The following ROBO1 variants were observed in gnomAD, a reference collection of about 807,000 sequenced individuals.
The protein encoded by ROBO1 is roundabout guidance receptor 1.
Under a neutral mutation model 195.9 loss-of-function variants are expected in ROBO1, and 149 were observed. The ratio of observed to expected loss-of-function variants is 0.76; its 90% CI spans 0.67 to 0.87. ROBO1 has a LOEUF of 0.87. Among genes scored for constraint, ROBO1 ranks in the 40% least tolerant of loss-of-function variants. ROBO1 has a pLI of 0.00. For missense variants in ROBO1, 1,933 were observed against 2,068.3 expected, an observed-to-expected ratio of 0.93 and a Z score of 1.27; for synonymous variants, 816 against 733.2, an observed-to-expected ratio of 1.11 and a Z score of -1.82.
intron 2 of ROBO1, among the ~76,000 whole-genome samples, chr3:79,434,105 T>C (rs2038791242): frequency 6.6e-6 from 1 of 152,076 alleles, no homozygotes; most frequent in East Asian, 1.9e-4. Context: ...CCTAAAACAA[T>C]AAAAACCCTA....
intron 1 of ROBO1, among the ~76,000 whole-genome samples, chr3:79,709,760 C>T (rs1195188875): frequency 5.3e-5 from 8 of 152,136 alleles, no homozygotes; most frequent in African/African-American, 1.7e-4. Flanking sequence ...CTATTAGGAG[C>T]CTTTGGTGGT....
intron 4 of ROBO1, among the ~76,000 whole-genome samples, chr3:78,754,535 G>A (rs991291888): frequency 6.6e-6 from 1 of 152,082 alleles, no homozygotes; most frequent in Non-Finnish European, 1.5e-5. Context: ...ATGAGAACAG[G>A]GAATTTGTGA....
intron 4 of ROBO1, among the ~76,000 whole-genome samples, chr3:78,888,811 C>T (rs1244409944): frequency 6.6e-6 from 1 of 152,062 alleles, no homozygotes; most frequent in African/African-American, 2.4e-5. Flanking sequence ...CTGTGTAAGT[C>T]TTATAAAAAT....
At chr3:79,455,524 G>A (rs1156876073) in intron 2 of ROBO1, among the ~76,000 whole-genome samples, 5 of 151,998 alleles carry the variant, frequency 3.3e-5, no homozygotes. Flanking sequence ...GTGTTTAAAG[G>A]AGACATTTAA....
At chr3:79,398,459 T>G (rs1356409125) in intron 2 of ROBO1, among the ~76,000 whole-genome samples, 2 of 152,168 alleles carry the variant, frequency 1.3e-5, no homozygotes, top group African/African-American at 4.8e-5. Flanking sequence ...GTGTGTAGTA[T>G]TATTGAGTCC....
At chr3:78,890,406 G>A (rs528058716) in intron 4 of ROBO1, among the ~76,000 whole-genome samples, 2 of 152,180 alleles carry the variant, frequency 1.3e-5, no homozygotes, top group East Asian at 1.9e-4. Flanking sequence ...ACCAAAGGAA[G>A]GTGAGGACAT....
At chr3:79,142,084 T>C (rs532991530) in intron 2 of ROBO1, among the ~76,000 whole-genome samples, 1 of 152,254 alleles carries the variant, frequency 6.6e-6, no homozygotes, top group South Asian at 2.1e-4. Flanking sequence ...TATTGTAAAT[T>C]AATGGAAATT....
chr3:79,251,745 G>A (rs965219608), intron 2 of ROBO1, among the ~76,000 whole-genome samples: 3 of 151,874 alleles, frequency 2.0e-5, no homozygotes, highest in Admixed American at 6.6e-5. Context: ...GCGATAATCT[G>A]CCTCAAACAA....
At chr3:79,184,795 T>A (rs77036540) in intron 2 of ROBO1, among the ~76,000 whole-genome samples, 13,402 of 152,210 alleles carry the variant, frequency 0.088, 1,014 homozygotes, top group African/African-American at 0.2. Flanking sequence ...TTGTATGTAT[T>A]CCTATCAAGA....
chr3:79,764,339 G>C (rs1206081788), intron 1 of ROBO1, among the ~76,000 whole-genome samples: 1 of 152,222 alleles, frequency 6.6e-6, no homozygotes. Context: ...CAAGTTTAGA[G>C]AGATAAATGA....
intron 3 of ROBO1, among the ~76,000 whole-genome samples, chr3:79,061,844 T>C (rs2078924026): frequency 6.6e-6 from 1 of 151,422 alleles, no homozygotes; most frequent in South Asian, 2.1e-4. Context: ...TATAGAAAAA[T>C]TAATTCAAGA....
chr3:79,553,168 G>A (rs1942581176), intron 2 of ROBO1, among the ~76,000 whole-genome samples: 1 of 151,898 alleles, frequency 6.6e-6, no homozygotes, highest in Non-Finnish European at 1.5e-5. Context: ...TGATCACAGT[G>A]AGATTCGACA....
chr3:78,615,328 A>C (rs1367240362), intron 27 of ROBO1, among the ~76,000 whole-genome samples: 1 of 152,168 alleles, frequency 6.6e-6, no homozygotes, highest in East Asian at 1.9e-4. Flanking sequence ...TCTGAAATTG[A>C]TCTAGCTCAC....
At chr3:79,166,560 C>CTTTTCTTT (rs2081067271) in intron 2 of ROBO1, among the ~76,000 whole-genome samples, 1 of 135,106 alleles carries the variant, frequency 7.4e-6, no homozygotes, top group Admixed American at 7.5e-5. Flanking sequence ...TTCTATTTTT[C>CTTTTCTTT]TTTTTTTTTT....
chr3:78,806,149 T>C (rs2084532232), intron 4 of ROBO1, among the ~76,000 whole-genome samples: 1 of 152,100 alleles, frequency 6.6e-6, no homozygotes, highest in Admixed American at 6.6e-5. Flanking sequence ...AGTTTTATTT[T>C]TTTTTTAAGA....
chr3:79,539,372 C>T (rs926325659), intron 2 of ROBO1, among the ~76,000 whole-genome samples: 1 of 152,010 alleles, frequency 6.6e-6, no homozygotes, highest in Non-Finnish European at 1.5e-5. Flanking sequence ...GAAGCACACA[C>T]GTAAGTTGTT....
intron 2 of ROBO1, among the ~76,000 whole-genome samples, chr3:79,358,373 A>G (rs543613807): frequency 5.9e-5 from 9 of 152,198 alleles, no homozygotes; most frequent in Non-Finnish European, 1.2e-4. Flanking sequence ...GTCAGAGGAA[A>G]GATTTTATTT....
At chr3:79,533,768 G>A (rs966515524) in intron 2 of ROBO1, among the ~76,000 whole-genome samples, 1 of 152,132 alleles carries the variant, frequency 6.6e-6, no homozygotes, top group Non-Finnish European at 1.5e-5. Context: ...TATTAGGACT[G>A]TACTGTGTTT....
In ROBO1 at chr3:79,029,953, T is replaced by C. The variant is rs563607155; in HGVS notation, c.173-91026A>G. Among the ~76,000 whole-genome samples the C allele has an allele frequency of 8.5e-5, 13 of 152,356 alleles. No individual in the cohort carries two copies. In the East Asian group the frequency reaches 1.4e-3, roughly 16 times the overall value. ...GAAGTAATGACTTGCTTACCAATGGTATTTTCTCTCTTCCCAAAGTACATT... is the reference window on the plus strand; with the variant it reads ...GAAGTAATGACTTGCTTACCAATGGCATTTTCTCTCTTCCCAAAGTACATT... On this transcript the variant is annotated intron_variant, in intron 3 of 30. Transcript: ENST00000464233.
Sources: gnomAD v4.1 joint callset for allele counts (sites outside exome capture counted in the v4.1 genomes callset) on GRCh38, gnomAD v4.1.1 for gene constraint, MANE v1.5 for transcripts, NCBI Gene and HGNC (gene_info 2026-07-23, HGNC 2026-07-21) for gene names.